INPP5D: variants seen among roughly 807,000 people sequenced by gnomAD.
INPP5D encodes the protein phosphatidylinositol 3,4,5-trisphosphate 5-phosphatase 1.
In INPP5D, 33 loss-of-function variants were observed where a neutral mutation model predicts 122.9. The ratio of observed to expected loss-of-function variants is 0.27; its 90% confidence interval spans 0.20 to 0.36. The LOEUF (loss-of-function observed/expected upper bound fraction) is 0.36, where lower values mean the gene tolerates loss of function less well. Among genes scored for constraint, INPP5D ranks in the 10% least tolerant of loss-of-function variants. The probability of loss-of-function intolerance (pLI) is 1.00; values close to 1 mark genes in which losing one functional copy is unlikely to be tolerated. For missense variants in INPP5D, 1,053 were observed against 1,412.7 expected (o/e 0.75, Z 4.08); for synonymous variants, 584 against 576.2 (o/e 1.01, Z -0.19).
chr2:233,157,887 ACT>A (rs1491011884), intron 9 of INPP5D, among the ~76,000 whole-genome samples: 5 of 89,860 alleles, frequency 5.6e-5, no homozygotes, highest in African/African-American at 3.0e-4. Context: ...TTATAGAACA[ACT>A]TGACTCTTTT....
chr2:233,190,126 A>G (rs1488904623), intron 22 of INPP5D, among the ~76,000 whole-genome samples, 189 bp downstream of exon 22: 1 of 152,164 alleles, frequency 6.6e-6, no homozygotes, highest in African/African-American at 2.4e-5. Context: ...TCTGGGCAGG[A>G]CAGCCAGCAG....
intron 17 of INPP5D, 131 bp downstream of exon 17, chr2:233,171,283 C>A (rs1189998864): frequency 1.4e-6 from 2 of 1,388,260 alleles, no homozygotes; most frequent in Non-Finnish European, 1.9e-6. Context: ...TTAGAAAGCA[C>A]ATGTTGATTT....
chr2:233,146,007 C>A (rs755266037), intron 6 of INPP5D, 155 bp from the exon 7 acceptor site: 1 of 702,030 alleles, frequency 1.4e-6, no homozygotes. Flanking sequence ...TGTAGAGATC[C>A]CTGTGTCCTC....
At chr2:233,123,799 A>G (rs1693070319) in intron 3 of INPP5D, among the ~76,000 whole-genome samples, 2 of 152,270 alleles carry the variant, frequency 1.3e-5, no homozygotes, top group Non-Finnish European at 2.9e-5. Flanking sequence ...AAAAAGAACG[A>G]GATCATGTCC....
chr2:233,099,159 C>T (rs1289899961), intron 2 of INPP5D, among the ~76,000 whole-genome samples: 1 of 152,122 alleles, frequency 6.6e-6, no homozygotes, highest in Non-Finnish European at 1.5e-5. Context: ...CTATGTTGGC[C>T]AGGCTGGTCT....
chr2:233,080,812 C>T lies in INPP5D; in HGVS notation c.198+1414C>T, dbSNP rs764048598. Among the ~76,000 whole-genome samples, 76 of 152,088 alleles carry T rather than the reference C, an allele frequency of 5.0e-4. 1 individual carries two copies. Among genetic ancestry groups the T allele is most frequent in the Admixed American group, 3.3e-4 (5 of 15,272 alleles). ...AAGAGGGAGAGCGTGGTGAGCAGAA[C>T]GCCCCTCAGGAAGACAGCTTATGAG... On this transcript the variant is annotated intron_variant, in intron 2 of 26. Transcript: ENST00000445964.
chr2:233,206,011 G>A lies in INPP5D; in HGVS notation c.3568-695G>A, dbSNP rs186150931. On this transcript the variant is annotated intron_variant, in intron 26 of 26. Transcript: ENST00000445964. The surrounding 1 kb of genome is among the most constrained non-coding windows in gnomAD (Gnocchi z 4.0). ...GGAGAATTGCTTGAACCCAGGAGGCGGAGGTTGCAGTGAACCGAGATCGCA... is the reference window on the plus strand; with the variant it reads ...GGAGAATTGCTTGAACCCAGGAGGCAGAGGTTGCAGTGAACCGAGATCGCA... Among the ~76,000 whole-genome samples the A allele has an allele frequency of 1.4e-3, 207 of 152,166 alleles. 3 individuals carry two copies. The highest frequency in any genetic ancestry group is 4.6e-3 in the African/African-American group (191 of 41,510).
At chr2:233,076,090 T>C (rs982222995) in intron 1 of INPP5D, among the ~76,000 whole-genome samples, 3 of 152,218 alleles carry the variant, frequency 2.0e-5, no homozygotes, top group African/African-American at 4.8e-5. Flanking sequence ...TTCGTGATTA[T>C]GTTCTTTCTC....
chr2:233,138,346 A>G (rs1423922452), intron 5 of INPP5D, among the ~76,000 whole-genome samples: 2 of 151,544 alleles, frequency 1.3e-5, no homozygotes, highest in African/African-American at 4.8e-5. Flanking sequence ...TGTAAAGTTT[A>G]TAACACTATA....
rs927767359 is a variant in INPP5D, at chr2:233,207,404, C to T, written c.*696C>T. On this transcript the variant is annotated 3_prime_UTR_variant, in exon 27 of 27. Coordinates refer to ENST00000445964, the MANE Select transcript of INPP5D (RefSeq NM_001017915.3). The surrounding 1 kb of genome is among the most constrained non-coding windows in gnomAD (Gnocchi z 4.6). Reference sequence around the variant, plus strand: ...GCATGGCTAGGCTGAGAGCAGGGATCTACCTGGCTTCTCAGTTCTTTGGTT... The same window carrying T: ...GCATGGCTAGGCTGAGAGCAGGGATTTACCTGGCTTCTCAGTTCTTTGGTT... 2 of 152,660 alleles carry T rather than the reference C, an allele frequency of 1.3e-5. No individual in the cohort carries two copies. The highest frequency in any genetic ancestry group is 2.9e-5 in the Non-Finnish European group (2 of 68,098). The allele number at this position is 152,660 out of a possible 1,614,324, so 9.5% of individuals were successfully genotyped here.
At chr2:233,099,008 G>A (rs1692228473) in intron 2 of INPP5D, among the ~76,000 whole-genome samples, 1 of 150,984 alleles carries the variant, frequency 6.6e-6, no homozygotes, top group Admixed American at 6.6e-5. Flanking sequence ...CTGGAGGGCA[G>A]TGGTGCGATC....
rs1482771094 is a variant in INPP5D at position 233,160,720 on chromosome 2, A to G, written c.1138-1004A>G. ...AAGATCATGGCTCACTGCAACCTCA[A>G]CTTTCTGGCCTCAAGTAATCCTCCC... On this transcript the variant is annotated intron_variant, in intron 10 of 26. Coordinates refer to ENST00000445964, the MANE Select transcript of INPP5D (RefSeq NM_001017915.3). The surrounding 1 kb of genome is among the most constrained non-coding windows in gnomAD (Gnocchi z 4.2). 2.0e-5 allele frequency among the ~76,000 whole-genome samples: 3 copies of G among 151,994 alleles called. No individual in the cohort carries two copies. Among genetic ancestry groups the G allele is most frequent in the Non-Finnish European group, 2.9e-5 (2 of 67,998 alleles).
chr2:233,130,297 TG>T (rs1693283605), intron 4 of INPP5D, among the ~76,000 whole-genome samples: 1 of 152,154 alleles, frequency 6.6e-6, no homozygotes, highest in South Asian at 2.1e-4. Flanking sequence ...CTTTTCCTGC[TG>T]GGCCACTTCT....
chr2:233,168,941 A>C (rs1694416836), intron 13 of INPP5D: 1 of 248,882 alleles, frequency 4.0e-6, no homozygotes, highest in Non-Finnish European at 8.0e-6. Context: ...TCTCCCCAGG[A>C]AACTTGAGTT....
chr2:233,130,886 C>T (rs1307822973), intron 5 of INPP5D: 1 of 662,984 alleles, frequency 1.5e-6, no homozygotes, highest in African/African-American at 1.8e-5. Context: ...AATTGGAGGC[C>T]AGTTGCTCTG....
intron 9 of INPP5D, among the ~76,000 whole-genome samples, chr2:233,151,317 T>C (rs1403119693): frequency 9.3e-6 from 1 of 107,486 alleles, no homozygotes. Flanking sequence ...TAAAAATTAA[T>C]AATAATAATA....
intron 4 of INPP5D, among the ~76,000 whole-genome samples, chr2:233,126,328 G>A (rs919381661): frequency 1.2e-4 from 19 of 152,192 alleles, no homozygotes; most frequent in East Asian, 3.9e-4. Context: ...GGCTGAAGCC[G>A]CATTTCCAAC....
At chr2:233,109,744 A>AT (rs1172362117) in intron 2 of INPP5D, among the ~76,000 whole-genome samples, 8,015 of 131,610 alleles carry the variant, frequency 0.061, 410 homozygotes, top group African/African-American at 0.14. Flanking sequence ...ACGCCCAGCT[A>AT]TTTTTTTTTT....
intron 2 of INPP5D, among the ~76,000 whole-genome samples, chr2:233,119,928 C>CACG (rs1692921277): frequency 6.6e-6 from 1 of 152,218 alleles, no homozygotes; most frequent in African/African-American, 2.4e-5. Context: ...CCCACCTGCC[C>CACG]ACGTCAATCC....
Sources: allele counts gnomAD v4.1 joint callset (sites outside exome capture counted in the v4.1 genomes callset), GRCh38; gene constraint gnomAD v4.1.1; non-coding constraint Gnocchi (gnomAD v3.1); transcripts MANE v1.5; gene names NCBI Gene and HGNC (gene_info 2026-07-23, HGNC 2026-07-21).